The following EPG5 variants were observed in gnomAD, a reference collection of about 807,000 sequenced individuals.
EPG5 encodes ectopic P granules protein 5 homolog.
In EPG5, 159 loss-of-function variants were observed where a neutral mutation model predicts 302.7. The ratio of observed to expected loss-of-function variants is 0.53; its 90% CI spans 0.46 to 0.60. The LOEUF (loss-of-function observed/expected upper bound fraction) is 0.60. EPG5 is among the 20% of genes least tolerant of loss of function. The pLI is 0.00. For synonymous variants in EPG5, 1,158 were observed against 1,136.8 expected (o/e 1.02, Z -0.37); for missense variants, 2,896 against 3,092.4 (o/e 0.94, Z 1.51).
the EPG5 span, among the ~76,000 whole-genome samples, chr18:45,835,036 A>G: frequency 1.3e-5 from 2 of 152,212 alleles, no homozygotes; most frequent in Admixed American, 1.3e-4. Flanking sequence ...ATAAAATGTT[A>G]GGTCCTCCAC....
intron 15 of EPG5, 38 bp from the exon 16 acceptor site, chr18:45,922,638 C>T (rs777904355): frequency 6.2e-7 from 1 of 1,605,274 alleles, no homozygotes; most frequent in Non-Finnish European, 8.5e-7. Context: ...ATTAGTCACA[C>T]ACAAATTAAA....
At chr18:45,940,881 T>C (rs1405262779) in intron 9 of EPG5, among the ~76,000 whole-genome samples, 2 of 152,152 alleles carry the variant, frequency 1.3e-5, no homozygotes, top group Admixed American at 6.5e-5. Flanking sequence ...TTAATGAAAC[T>C]GGGAGTAGTA....
At position 45,890,061 on chromosome 18, in the gene EPG5, G is replaced by A. The variant is rs985867336; in HGVS notation, c.4810-121C>T. The stretch of plus-strand genomic sequence containing the variant: ...TACCAAAATTTGTATCTCTTTATAT[G>A]ACTGCCTTATAAACTGGTAAGATCT... On this transcript the variant is annotated intron_variant, in intron 27 of 43. Transcript: ENST00000282041. The A allele has an allele frequency of 4.0e-5, 29 of 716,668 alleles. No individual in the cohort carries two copies. The East Asian group carries it at 7.8e-4, about 19-fold the overall frequency. 44.4% of individuals were successfully genotyped at this position (716,668 alleles called of 1,614,324 possible).
At chr18:45,835,551 G>A in the EPG5 span, among the ~76,000 whole-genome samples, 2 of 152,178 alleles carry the variant, frequency 1.3e-5, no homozygotes, top group East Asian at 3.8e-4. Flanking sequence ...AACTGGTGCT[G>A]ATCTCATTTC....
chr18:45,927,520 A>G (rs1399596407), intron 13 of EPG5, among the ~76,000 whole-genome samples: 1 of 151,908 alleles, frequency 6.6e-6, no homozygotes, highest in East Asian at 1.9e-4. Context: ...TCACAGAAAC[A>G]TTATTCACAA....
chr18:45,916,290 A>T (rs2050030826), intron 18 of EPG5, 84 bp from the exon 19 acceptor site: 20 of 1,520,908 alleles, frequency 1.3e-5, no homozygotes, highest in Non-Finnish European at 1.6e-5. Flanking sequence ...ATCTACCTCC[A>T]CTACAAATCC....
At chr18:45,824,593 G>A in the EPG5 span, among the ~76,000 whole-genome samples, 1 of 152,226 alleles carries the variant, frequency 6.6e-6, no homozygotes, top group Non-Finnish European at 1.5e-5. Flanking sequence ...TGTGCTTGCA[G>A]AGAGTGACCA....
At position 45,955,475 on chromosome 18, in the gene EPG5, T is replaced by C. The variant is rs182924820; in HGVS notation, c.64-137A>G. On this transcript the variant is annotated intron_variant, in intron 1 of 43. Transcript: ENST00000282041. ...ACCTAAATTCACTTTATCAGTGTTT[T>C]TGAACAGATATGAACAAATATGAAA... 16 of 632,414 alleles carry C rather than the reference T, an allele frequency of 2.5e-5. No homozygotes were observed. The East Asian group carries it at 4.2e-4, about 17-fold the overall frequency. 39.2% of individuals were successfully genotyped at this position (632,414 alleles called of 1,614,324 possible).
At chr18:45,809,278 G>A in the EPG5 span, among the ~76,000 whole-genome samples, 1 of 152,008 alleles carries the variant, frequency 6.6e-6, no homozygotes, top group South Asian at 2.1e-4. Context: ...AATAGTGGGG[G>A]ACTTCAATAC....
chr18:45,808,830 C>CA, the EPG5 span, among the ~76,000 whole-genome samples: 2 of 151,356 alleles, frequency 1.3e-5, no homozygotes, highest in Non-Finnish European at 2.9e-5. Context: ...AAAATAAAAA[C>CA]AAAAAAACAA....
chr18:45,879,982 G>C, intron 32 of EPG5, 93 bp downstream of exon 32: 1 of 1,379,754 alleles, frequency 7.2e-7, no homozygotes, highest in Non-Finnish European at 9.8e-7. Context: ...GGCTCTTAAA[G>C]ATAATGCACA....
chr18:45,823,597 A>G, the EPG5 span, among the ~76,000 whole-genome samples: 4 of 152,216 alleles, frequency 2.6e-5, no homozygotes, highest in Non-Finnish European at 4.4e-5. Flanking sequence ...AGTTTCAAGT[A>G]TCTTCCTGAG....
intron 10 of EPG5, among the ~76,000 whole-genome samples, chr18:45,935,713 G>C (rs1457574283): frequency 6.6e-6 from 1 of 152,114 alleles, no homozygotes; most frequent in Non-Finnish European, 1.5e-5. Flanking sequence ...CATGTGCAGT[G>C]GGTGGGAGGA....
rs533404139 is a variant in EPG5, at chr18:45,907,705, G to C, written c.4329+253C>G. Among the ~76,000 whole-genome samples the C allele has an allele frequency of 5.9e-5, 9 of 152,190 alleles. No individual in the cohort carries two copies. In the South Asian group the frequency reaches 1.9e-3, roughly 32 times the overall value. On this transcript the variant is annotated intron_variant, in intron 24 of 43. Transcript: ENST00000282041. Reference sequence around the variant, plus strand: ...AAATATACAGTCAGAGGAAGGTTATGTTTATGAGGTCGTAAAAAGCCCTAG... The same window carrying C: ...AAATATACAGTCAGAGGAAGGTTATCTTTATGAGGTCGTAAAAAGCCCTAG...
chr18:45,911,078 TACACACACACACACAC>T (rs34212851), intron 22 of EPG5, among the ~76,000 whole-genome samples: 7 of 135,334 alleles, frequency 5.2e-5, no homozygotes, highest in Non-Finnish European at 9.4e-5. Context: ...TATCTATCTA[TACACACACACACACAC>T]ACACACACAC....
At chr18:45,903,789 C>G (rs2049680511) in intron 25 of EPG5, among the ~76,000 whole-genome samples, 184 bp downstream of exon 25, 1 of 152,168 alleles carries the variant, frequency 6.6e-6, no homozygotes, top group Admixed American at 6.6e-5. Flanking sequence ...ATTTTCAAAA[C>G]TGCAAAGTAA....
chr18:45,842,266 T>G, the EPG5 span: 4 of 1,516,918 alleles, frequency 2.6e-6, no homozygotes, highest in Non-Finnish European at 3.7e-6. Flanking sequence ...GCACAGCCAG[T>G]CCTGGTTCTC....
chr18:45,896,541 C>A (rs764653874), intron 27 of EPG5, among the ~76,000 whole-genome samples: 1 of 151,928 alleles, frequency 6.6e-6, no homozygotes, highest in Non-Finnish European at 1.5e-5. Flanking sequence ...TTAGCAATTA[C>A]CAATTTTTCT....
chr18:45,906,242 A>C (rs752740146), intron 24 of EPG5, among the ~76,000 whole-genome samples: 23 of 152,160 alleles, frequency 1.5e-4, no homozygotes, highest in Non-Finnish European at 2.9e-4. Context: ...TTCTTCCTCG[A>C]TATATTTTTA....
Sources: gnomAD v4.1 joint callset for allele counts (sites outside exome capture counted in the v4.1 genomes callset) on GRCh38, gnomAD v4.1.1 for gene constraint, MANE v1.5 for transcripts, NCBI Gene and HGNC (gene_info 2026-07-23, HGNC 2026-07-21) for gene names.